Variants in TTC28 observed in about 807,000 individuals in gnomAD.
TTC28 encodes tetratricopeptide repeat domain 28.
A neutral mutation model predicts 198.0 loss-of-function variants in TTC28; 61 were observed. The ratio of observed to expected loss-of-function variants is 0.31; its 90% CI spans 0.25 to 0.38. TTC28 has a LOEUF of 0.38. Among genes scored for constraint, TTC28 ranks in the 10% least tolerant of loss-of-function variants. TTC28 has a pLI of 1.00. For missense variants in TTC28, 2,678 were observed against 3,164.0 expected, an observed-to-expected ratio of 0.85 and a Z score of 3.69; for synonymous variants, 1,171 against 1,297.8, an observed-to-expected ratio of 0.90 and a Z score of 2.10.
chr22:28,058,116 A>G (rs1180811443), intron 12 of TTC28, among the ~76,000 whole-genome samples: 2 of 152,162 alleles, frequency 1.3e-5, no homozygotes, highest in Admixed American at 1.3e-4. Context: ...TAAAGGACAG[A>G]TAATAAATAT....
rs537573325 is a variant in TTC28 at position 27,993,273 on chromosome 22, C to T, written c.5476+14G>A. ...AGCCAGGCCTGTTGCCCCAGCCCTA[C>T]ACCCACAGCTCACCCAGCAGGGACT... On this transcript the variant is annotated intron_variant, in intron 18 of 22. Coordinates refer to ENST00000397906, the MANE Select transcript of TTC28 (RefSeq NM_001145418.2). The T allele has an allele frequency of 2.6e-6, 4 of 1,511,820 alleles. No individual in the cohort carries two copies. Among genetic ancestry groups the T allele is most frequent in the South Asian group, 2.6e-5 (2 of 78,320 alleles). 93.7% of individuals were successfully genotyped at this position (1,511,820 alleles called of 1,614,324 possible).
chr22:27,996,484 T>C, intron 16 of TTC28: 2 of 589,402 alleles, frequency 3.4e-6, no homozygotes, highest in Non-Finnish European at 5.7e-6. Flanking sequence ...GCTGTTCAGG[T>C]TAGTGGGGCC....
intron 1 of TTC28, among the ~76,000 whole-genome samples, chr22:28,631,256 G>A (rs905257865): frequency 2.0e-5 from 3 of 152,090 alleles, no homozygotes; most frequent in Non-Finnish European, 4.4e-5. Context: ...AAAAAATAAG[G>A]TTTAAAAAAT....
intron 2 of TTC28, among the ~76,000 whole-genome samples, chr22:28,499,188 AATAAT>A (rs2048500623): frequency 6.6e-6 from 1 of 152,140 alleles, no homozygotes; most frequent in Admixed American, 6.6e-5. Flanking sequence ...AGAAAAATAA[AATAAT>A]ATATTTATTC....
intron 5 of TTC28, among the ~76,000 whole-genome samples, chr22:28,275,353 T>C (rs1932354613): frequency 6.6e-6 from 1 of 152,196 alleles, no homozygotes; most frequent in African/African-American, 2.4e-5. Context: ...CACTACATAG[T>C]TTGTGATACA....
chr22:28,630,421 T>C (rs554192813), intron 1 of TTC28, among the ~76,000 whole-genome samples: 3 of 152,236 alleles, frequency 2.0e-5, no homozygotes, highest in African/African-American at 7.2e-5. Flanking sequence ...CCTCAGCCTT[T>C]TGAGTAGTTG....
intron 2 of TTC28, among the ~76,000 whole-genome samples, chr22:28,467,873 C>T (rs1034056637): frequency 2.6e-5 from 4 of 152,110 alleles, no homozygotes; most frequent in Non-Finnish European, 5.9e-5. Context: ...GAGATCCTCC[C>T]GTCTCAGCCT....
In TTC28 at chr22:28,101,198, A is replaced by T. The variant is rs1212248143; in HGVS notation, c.3390T>A (p.Ser1130Arg). Reference sequence around the variant, plus strand: ...GGTGTTGGGCCTCCTCCAAGTTTCCACTAGCCCAAAGGGAGAGGCCAAGGC... The same window carrying T: ...GGTGTTGGGCCTCCTCCAAGTTTCCTCTAGCCCAAAGGGAGAGGCCAAGGC... ...RHGLGLSLWA[S>R]GNLEEAQHQL... Residue 1130 changes from serine (S) to arginine (R), a missense_variant, in exon 9 of 23, where the codon AGT becomes AGA. Physicochemically the swap from Ser to Arg is moderately radical, Grantham distance 110. Around this residue, in one of 8 missense-constraint regions of TTC28, gnomAD observed 727 missense variants for 861.9 expected, o/e 0.84. Transcript: ENST00000397906. 1.3e-6 allele frequency: 2 copies of T among 1,551,364 alleles called. No homozygotes were observed. The highest frequency in any genetic ancestry group is 1.7e-6 in the Non-Finnish European group (2 of 1,146,914).
At chr22:28,601,978 T>C (rs549518013) in intron 2 of TTC28, among the ~76,000 whole-genome samples, 2 of 151,154 alleles carry the variant, frequency 1.3e-5, no homozygotes, top group Admixed American at 1.3e-4. Context: ...CACAAAAATA[T>C]TAGTTATCCC....
chr22:28,554,963 A>G (rs2049764669), intron 2 of TTC28, among the ~76,000 whole-genome samples: 1 of 152,200 alleles, frequency 6.6e-6, no homozygotes, highest in Non-Finnish European at 1.5e-5. Flanking sequence ...TATCCAACAA[A>G]GGACTAATAT....
chr22:28,438,949 T>C (rs2047568264), intron 2 of TTC28, among the ~76,000 whole-genome samples: 3 of 152,184 alleles, frequency 2.0e-5, no homozygotes. Context: ...GATTTCTCCC[T>C]CCCTACTATT....
intron 1 of TTC28, among the ~76,000 whole-genome samples, chr22:28,644,166 G>A (rs1418184205): frequency 4.0e-5 from 6 of 150,766 alleles, no homozygotes; most frequent in African/African-American, 1.5e-4. Context: ...TTGGGAGGCC[G>A]AGGCAGGCGG....
chr22:28,539,585 G>A (rs1449843998), intron 2 of TTC28, among the ~76,000 whole-genome samples: 4 of 151,780 alleles, frequency 2.6e-5, no homozygotes, highest in African/African-American at 4.8e-5. Flanking sequence ...GCAGTGAACC[G>A]TGATTGAGCC....
intron 2 of TTC28, among the ~76,000 whole-genome samples, chr22:28,473,373 C>T (rs779211659): frequency 2.0e-5 from 3 of 152,002 alleles, no homozygotes; most frequent in Admixed American, 2.0e-4. Context: ...GGCTTGAATT[C>T]GGGACCAGAT....
At chr22:27,989,733 C>A in intron 21 of TTC28, 145 bp downstream of exon 21, 1 of 1,091,856 alleles carries the variant, frequency 9.2e-7, no homozygotes. Flanking sequence ...ATGCGTGAGC[C>A]ACTGTACCCA....
intron 5 of TTC28, among the ~76,000 whole-genome samples, chr22:28,274,719 G>A (rs573522444): frequency 6.6e-6 from 1 of 152,122 alleles, no homozygotes; most frequent in South Asian, 2.1e-4. Flanking sequence ...GGTGGCTCAC[G>A]CCTGTAATCC....
rs145833995 is a variant in TTC28, at chr22:28,536,216, A to T, written c.381+93336T>A. Among the ~76,000 whole-genome samples the T allele has an allele frequency of 6.1e-4, 57 of 93,008 alleles. 1 individual carries two copies. The highest frequency in any genetic ancestry group is 1.8e-3 in the African/African-American group (46 of 25,766). The allele number at this position is 93,008 out of a possible 152,430, so 61.0% of individuals were successfully genotyped here. ...ACCGTCTCAAAAAAAAAAAAAAAAA[A>T]AAAACATAAAAATAATAAATTATCC... is the stretch of plus-strand genomic sequence containing the variant. On this transcript the variant is annotated intron_variant, in intron 2 of 22. Coordinates refer to ENST00000397906, the MANE Select transcript of TTC28 (RefSeq NM_001145418.2).
At chr22:28,099,114 C>A in intron 9 of TTC28, 70 bp from the exon 10 acceptor site, 1 of 1,531,310 alleles carries the variant, frequency 6.5e-7, no homozygotes, top group East Asian at 2.5e-5. Flanking sequence ...AGACTAGAGA[C>A]AACTTTTGCT....
chr22:28,595,871 C>T (rs942119843), intron 2 of TTC28, among the ~76,000 whole-genome samples: 3 of 152,112 alleles, frequency 2.0e-5, no homozygotes, highest in African/African-American at 4.8e-5. Flanking sequence ...TTGCAGTGAG[C>T]CGAGATGGCG....
Sources: allele counts gnomAD v4.1 joint callset (sites outside exome capture counted in the v4.1 genomes callset), GRCh38; gene constraint gnomAD v4.1.1; regional missense constraint gnomAD v4.1.1; transcripts MANE v1.5; gene names NCBI Gene and HGNC (gene_info 2026-07-23, HGNC 2026-07-21).